Variants in TWF2 observed in about 807,000 individuals in gnomAD.
TWF2 encodes the protein twinfilin-2.
Under a neutral mutation model 45.1 loss-of-function variants are expected in TWF2, and 15 were observed. The ratio of observed to expected loss-of-function variants is 0.33; its 90% CI spans 0.22 to 0.51. The LOEUF (loss-of-function observed/expected upper bound fraction) is 0.51, where lower values mean the gene tolerates loss of function less well. Among genes scored for constraint, TWF2 ranks in the 20% least tolerant of loss-of-function variants. TWF2 has a pLI of 0.97. For missense variants in TWF2, 423 were observed against 469.1 expected (o/e 0.90, Z 0.91); for synonymous variants, 177 against 195.8 (o/e 0.90, Z 0.80).
At position 52,232,115 on chromosome 3, in the gene TWF2, G is replaced by A. The variant is rs778446358; in HGVS notation, c.111C>T (p.Leu37=). The change falls in exon 3 of 9, where the codon CTC becomes CTT. Residue 37 remains leucine (L), a synonymous_variant. Coordinates refer to ENST00000305533, the MANE Select transcript of TWF2 (RefSeq NM_007284.4). ...CTGGCTCCTGCGAGGCACCCAGCAC[G>A]AGCTGCTCTGGGGGCAGAGGCCGGA... is the stretch of plus-strand genomic sequence containing the variant. ...LIKVVIEDEQ[L]VLGASQEPVG... 6.3e-6 allele frequency: 10 copies of A among 1,585,662 alleles called. No individual in the cohort carries two copies. In the African/African-American group the frequency reaches 6.8e-5, roughly 11 times the overall value.
At position 52,230,082 on chromosome 3, in the gene TWF2, C is replaced by T; in HGVS notation, c.610-12G>A. 6.4e-7 allele frequency: 1 copy of T among 1,569,900 alleles called. No individual in the cohort carries two copies. Among genetic ancestry groups the T allele is most frequent in the Non-Finnish European group, 8.6e-7 (1 of 1,159,612 alleles). On this transcript the variant is annotated splice_polypyrimidine_tract_variant and intron_variant, in intron 6 of 8. Coordinates refer to ENST00000305533, the MANE Select transcript of TWF2 (RefSeq NM_007284.4). ...TCTAGGTCCAGCTTCTGCCCAGGGC[C>T]AAGGGAAGATGGGAGAGCACCAGGT...
rs1454427161 is a variant in TWF2, at chr3:52,230,977, C to T, written c.502G>A (p.Val168Met). The change falls in exon 6 of 9, where the codon GTG (valine) becomes ATG (methionine). Residue 168 changes from valine to methionine, a missense_variant. By Grantham distance (21) the Val-to-Met change is conservative (BLOSUM62 1). Transcript: ENST00000305533. ...TGCAGGGTCTGGTGCTTGCTTTCCA[C>T]ACTGATCTCTGTCTTCACCTGTGGG... ...RINEVKTEIS[V>M]ESKHQTLQGL... 4 of 1,604,882 alleles carry T rather than the reference C, an allele frequency of 2.5e-6. No homozygotes were observed. In the Admixed American group the frequency reaches 5.2e-5, roughly 21 times the overall value.
At chr3:52,238,406 T>A (rs1028156435) in intron 1 of TWF2, among the ~76,000 whole-genome samples, 1 of 152,174 alleles carries the variant, frequency 6.6e-6, no homozygotes, top group African/African-American at 2.4e-5. Context: ...GGCCTTCTCC[T>A]AACACACATA....
chr3:52,230,891 T>G lies in TWF2; in HGVS notation c.588A>C (p.Lys196Asn). The change falls in exon 6 of 9, where the codon AAA becomes AAC. Residue 196 changes from lysine (K) to asparagine (N), a missense_variant. Physicochemically the swap from Lys to Asn is moderately conservative, Grantham distance 94 (BLOSUM62 0). Coordinates refer to ENST00000305533, the MANE Select transcript of TWF2 (RefSeq NM_007284.4). ...AQRALQQLKQ[K>N]MVNYIQMKLD... is the part of the protein sequence containing the mutation. ...CCACCATCTGGATGTAGTTGACCATTTTCTGCTTGAGCTGCTGGAGTGCCC... is the reference window on the plus strand; with the variant it reads ...CCACCATCTGGATGTAGTTGACCATGTTCTGCTTGAGCTGCTGGAGTGCCC... 6.2e-7 allele frequency: 1 copy of G among 1,609,990 alleles called. No homozygotes were observed.
At chr3:52,230,438 C>T (rs1300109757) in intron 6 of TWF2, among the ~76,000 whole-genome samples, 2 of 152,302 alleles carry the variant, frequency 1.3e-5, no homozygotes, top group Admixed American at 6.5e-5. Context: ...AGGGAGGAGC[C>T]GTTTTGCTTG....
At chr3:52,231,658 C>T in intron 3 of TWF2, 119 bp from the exon 4 acceptor site, 1 of 1,195,656 alleles carries the variant, frequency 8.4e-7, no homozygotes, top group Non-Finnish European at 1.2e-6. Context: ...GGCAGAGGGC[C>T]AGCCCGGGGC....
intron 2 of TWF2, 118 bp from the exon 3 acceptor site, chr3:52,232,240 T>C: frequency 7.9e-7 from 1 of 1,268,374 alleles, no homozygotes; most frequent in Admixed American, 2.9e-5. Flanking sequence ...CCCCTCACCT[T>C]CCCTGGAGCC....
In TWF2 at chr3:52,235,022, C is replaced by T. The variant is rs1468626282; in HGVS notation, c.103+7G>A. On this transcript the variant is annotated splice_region_variant and intron_variant, in intron 2 of 8. Transcript: ENST00000305533. Reference sequence around the variant, plus strand: ...AGCCTATACCCTGGCCTGTGAGGGGCACTCACCGTCCTCAATCACAACCTT... The same window carrying T: ...AGCCTATACCCTGGCCTGTGAGGGGTACTCACCGTCCTCAATCACAACCTT... The T allele has an allele frequency of 6.2e-7, 1 of 1,613,270 alleles. No homozygotes were observed. The highest frequency in any genetic ancestry group is 2.2e-5 in the East Asian group (1 of 44,896).
Position 52,239,034 on chromosome 3 carries a change from C to G in TWF2, c.-18G>C. 6.3e-7 allele frequency: 1 copy of G among 1,593,884 alleles called. No individual in the cohort carries two copies. Among genetic ancestry groups the G allele is most frequent in the Non-Finnish European group, 8.5e-7 (1 of 1,177,472 alleles). On this transcript the variant is annotated 5_prime_UTR_variant, in exon 1 of 9. Transcript: ENST00000305533. ...TGCGCCATGGCTCGGCGCTTCGCTC[C>G]GTCCGCGCCGTCGGAGCCCTCCGCT...
chr3:52,234,998 G>A, intron 2 of TWF2, 31 bp downstream of exon 2: 1 of 1,610,938 alleles, frequency 6.2e-7, no homozygotes, highest in African/African-American at 1.3e-5. Flanking sequence ...CCACCCCCAA[G>A]CCTATACCCT....
At chr3:52,233,871 A>G (rs972288548) in intron 2 of TWF2, among the ~76,000 whole-genome samples, 2 of 140,782 alleles carry the variant, frequency 1.4e-5, no homozygotes, top group Non-Finnish European at 3.0e-5. Context: ...CTGAGATCAC[A>G]CCACTACACT....
chr3:52,231,798 TCA>T (rs1699681365), intron 3 of TWF2, 144 bp downstream of exon 3: 6 of 1,242,386 alleles, frequency 4.8e-6, no homozygotes, highest in Non-Finnish European at 6.7e-6. Context: ...TGACCCTCTC[TCA>T]GACTCCCTAG....
chr3:52,237,697 T>C (rs1186186943), intron 1 of TWF2, among the ~76,000 whole-genome samples: 1 of 152,156 alleles, frequency 6.6e-6, no homozygotes, highest in Non-Finnish European at 1.5e-5. Context: ...GGCTGAGTCA[T>C]GAAGCCTGCC....
intron 2 of TWF2, chr3:52,232,375 C>A: frequency 1.8e-6 from 1 of 547,606 alleles, no homozygotes. Context: ...CACACACACA[C>A]ACGTGCGCAG....
chr3:52,229,855 C>T, intron 7 of TWF2, 65 bp downstream of exon 7: 1 of 1,595,148 alleles, frequency 6.3e-7, no homozygotes, highest in Non-Finnish European at 8.6e-7. Flanking sequence ...GCAGGCCTGC[C>T]CCACTGCAGA....
Position 52,230,026 on chromosome 3 carries a change from C to G in TWF2, c.654G>C (p.Glu218Asp), listed in dbSNP as rs760488571. 4 of 1,609,876 alleles carry G rather than the reference C, an allele frequency of 2.5e-6. No individual in the cohort carries two copies. Among genetic ancestry groups the G allele is most frequent in the African/African-American group, 1.3e-5 (1 of 75,054 alleles). Residue 218 changes from glutamate (E) to aspartate (D), a missense_variant, in exon 7 of 9, where the codon GAG (glutamate) becomes GAC (aspartate). Transcript: ENST00000305533. ...AGGGCAGCTGGGCCACATCCGTGGG[C>G]TCTGTGTGCACCAGCTCAATGGTTT... ...ERETIELVHTEPTDVAQLPSR... is the reference protein window; with the variant it reads ...ERETIELVHTDPTDVAQLPSR...
At position 52,229,998 on chromosome 3, in the gene TWF2, G is replaced by A. The variant is rs970028838; in HGVS notation, c.682C>T (p.Arg228Trp). The A allele has an allele frequency of 5.0e-6, 8 of 1,612,284 alleles. No homozygotes were observed. Among genetic ancestry groups the A allele is most frequent in the African/African-American group, 1.3e-5 (1 of 74,956 alleles). ...TAGCGGGCAGCATCTCGGGGCACCC[G>A]GGAGGGCAGCTGGGCCACATCCGTG... ...EPTDVAQLPS[R>W]VPRDAARYHF... Residue 228 changes from arginine to tryptophan, a missense_variant, in exon 7 of 9, where the codon CGG becomes TGG. By Grantham distance (101) the Arg-to-Trp change is moderately radical (BLOSUM62 -3). Transcript: ENST00000305533.
intron 4 of TWF2, 35 bp from the exon 5 acceptor site, chr3:52,231,266 G>A: frequency 6.2e-7 from 1 of 1,611,196 alleles, no homozygotes; most frequent in Non-Finnish European, 8.5e-7. Context: ...AGCCATAAAT[G>A]GGCACCTGGG....
Position 52,235,046 on chromosome 3 carries a change from T to G in TWF2, c.86A>C (p.Lys29Thr). 6.2e-7 allele frequency: 1 copy of G among 1,613,848 alleles called. No homozygotes were observed. Among genetic ancestry groups the G allele is most frequent in the Non-Finnish European group, 8.5e-7 (1 of 1,180,016 alleles). Residue 29 changes from lysine (K) to threonine (T), a missense_variant, in exon 2 of 9, where the codon AAG (lysine) becomes ACG (threonine). Coordinates refer to ENST00000305533, the MANE Select transcript of TWF2 (RefSeq NM_007284.4). ...KARAGSVRLI[K>T]VVIEDEQLVL... Reference sequence around the variant, plus strand: ...GCACTCACCGTCCTCAATCACAACCTTGATGAGCCGCACAGAGCCAGCCCG... The same window carrying G: ...GCACTCACCGTCCTCAATCACAACCGTGATGAGCCGCACAGAGCCAGCCCG...
Sources: gnomAD v4.1 joint callset for allele counts (sites outside exome capture counted in the v4.1 genomes callset) on GRCh38, gnomAD v4.1.1 for gene constraint, MANE v1.5 for transcripts, NCBI Gene and HGNC (gene_info 2026-07-23, HGNC 2026-07-21) for gene names.